The following RPS6KA2 variants were observed in gnomAD, a reference collection of about 807,000 sequenced individuals.
The protein encoded by RPS6KA2 is ribosomal protein S6 kinase alpha-2.
In RPS6KA2, 42 loss-of-function variants were observed where a neutral mutation model predicts 91.8. That is an observed-to-expected ratio of 0.46 (90% CI 0.36 to 0.59). The LOEUF is 0.59. Ranked by LOEUF, RPS6KA2 falls within the 20% of genes least tolerant of loss-of-function variation. The pLI is 0.00. For synonymous variants in RPS6KA2, 414 were observed against 393.6 expected (o/e 1.05, Z -0.61); for missense variants, 798 against 978.5 (o/e 0.82, Z 2.46).
intron 2 of RPS6KA2, among the ~76,000 whole-genome samples, chr6:166,812,103 C>T (rs1036458193): frequency 1.3e-5 from 2 of 152,110 alleles, no homozygotes; most frequent in Non-Finnish European, 2.9e-5. Context: ...GCCTGTAATC[C>T]CAGAACTTTG....
At chr6:166,706,759 G>A (rs933429204) in intron 2 of RPS6KA2, among the ~76,000 whole-genome samples, 2 of 152,148 alleles carry the variant, frequency 1.3e-5, no homozygotes, top group Admixed American at 6.5e-5. Context: ...AATATCACAC[G>A]CACAGCCTGT....
intron 3 of RPS6KA2, among the ~76,000 whole-genome samples, chr6:166,524,266 G>C (rs572803355): frequency 1.3e-5 from 2 of 152,276 alleles, no homozygotes. Context: ...TGACTTGCAG[G>C]GAAAATGCTT....
intron 20 of RPS6KA2, 116 bp from the exon 21 acceptor site, chr6:166,413,003 T>G: frequency 9.1e-6 from 10 of 1,100,578 alleles, no homozygotes; most frequent in East Asian, 8.4e-5. Flanking sequence ...AAACCAGAGC[T>G]TCCCCAGGGT....
In RPS6KA2 at chr6:166,495,097, G is replaced by A. The variant is rs1395170240; in HGVS notation, c.747+3411C>T. 6.6e-6 allele frequency among the ~76,000 whole-genome samples: 1 copy of A among 152,234 alleles called. No homozygotes were observed. The highest frequency in any genetic ancestry group is 6.5e-5 in the Admixed American group (1 of 15,292). On this transcript the variant is annotated intron_variant, in intron 8 of 20. Coordinates refer to ENST00000265678, the MANE Select transcript of RPS6KA2 (RefSeq NM_021135.6). This position sits in a 1 kb window ranked among gnomAD's most constrained non-coding sequence, Gnocchi z 4.4. The stretch of plus-strand genomic sequence containing the variant: ...ACCACGTGGGCGGGCGGCACTAAAT[G>A]AGAATGTGTTTCTGGGACTATTATG...
rs756026491 is a variant in RPS6KA2, at chr6:166,635,990, C to T, written c.124-97206G>A. On this transcript the variant is annotated intron_variant, in intron 2 of 21. Transcript: ENST00000503859. The surrounding 1 kb of genome is among the most constrained non-coding windows in gnomAD (Gnocchi z 4.8). ...ACATAAATCCAAATCCAATCATCCA[C>T]TTCTCTGCTTATAACTCTTCCAGGC... 5.3e-5 allele frequency among the ~76,000 whole-genome samples: 8 copies of T among 152,222 alleles called. No homozygotes were observed. Among genetic ancestry groups the T allele is most frequent in the Non-Finnish European group, 1.0e-4 (7 of 68,044 alleles).
intron 2 of RPS6KA2, among the ~76,000 whole-genome samples, chr6:166,758,122 G>A (rs1249573483): frequency 2.0e-5 from 3 of 152,072 alleles, no homozygotes; most frequent in Non-Finnish European, 2.9e-5. Flanking sequence ...AAGACACTTC[G>A]GTCCTTCTCT....
intron 2 of RPS6KA2, among the ~76,000 whole-genome samples, chr6:166,779,061 C>A (rs148126388): frequency 1.5e-3 from 222 of 152,304 alleles, no homozygotes; most frequent in African/African-American, 5.1e-3. Context: ...GTAACTCTGG[C>A]GCACACTGAT....
At chr6:166,857,540 T>G (rs1780937564) in intron 2 of RPS6KA2, among the ~76,000 whole-genome samples, 1 of 152,226 alleles carries the variant, frequency 6.6e-6, no homozygotes, top group Admixed American at 6.5e-5. Context: ...ACTCTCACTT[T>G]ATTAAAGTCT....
At chr6:166,464,973 G>A (rs1203188108) in intron 11 of RPS6KA2, among the ~76,000 whole-genome samples, 1 of 150,212 alleles carries the variant, frequency 6.7e-6, no homozygotes, top group African/African-American at 2.5e-5. Flanking sequence ...GCAGTGGGAT[G>A]ACAGGTGTTT....
At chr6:166,548,907 TG>T (rs1457659714) in intron 1 of RPS6KA2, among the ~76,000 whole-genome samples, 1 of 152,090 alleles carries the variant, frequency 6.6e-6, no homozygotes, top group Non-Finnish European at 1.5e-5. Flanking sequence ...AGCTATAGAG[TG>T]GGAGAAAATG....
At chr6:166,499,765 G>T (rs1012597791) in intron 7 of RPS6KA2, among the ~76,000 whole-genome samples, 9 of 152,174 alleles carry the variant, frequency 5.9e-5, no homozygotes, top group Non-Finnish European at 2.9e-5. Flanking sequence ...GTGAGAATAG[G>T]CTAACATGGG....
At chr6:166,764,163 AGTGAGAGG>A (rs1351994494) in intron 2 of RPS6KA2, among the ~76,000 whole-genome samples, 1 of 152,084 alleles carries the variant, frequency 6.6e-6, no homozygotes, top group East Asian at 1.9e-4. Context: ...GGAGGGCGTG[AGTGAGAGG>A]GTGAGAGAAA....
chr6:166,857,806 C>T (rs1168317332), intron 2 of RPS6KA2, among the ~76,000 whole-genome samples: 2 of 152,204 alleles, frequency 1.3e-5, no homozygotes, highest in African/African-American at 4.8e-5. Flanking sequence ...CCTCATCAGA[C>T]ATTTTAAGCA....
rs577814201 is a variant in RPS6KA2, at chr6:166,423,630, C to T, written c.1582-213G>A. The stretch of plus-strand genomic sequence containing the variant: ...CCTGTGGTGGTCACTCACTTCTGAG[C>T]TCCTGGTGTCACCTGCTTTTACAGT... On this transcript the variant is annotated intron_variant, in intron 16 of 20. Coordinates refer to ENST00000265678, the MANE Select transcript of RPS6KA2 (RefSeq NM_021135.6). This position sits in a 1 kb window ranked among gnomAD's most constrained non-coding sequence, Gnocchi z 4.8. Among the ~76,000 whole-genome samples, 16 of 152,310 alleles carry T rather than the reference C, an allele frequency of 1.1e-4. No individual in the cohort carries two copies. In the South Asian group the frequency reaches 3.1e-3, roughly 30 times the overall value.
chr6:166,507,874 C>T (rs1782301593), intron 5 of RPS6KA2, among the ~76,000 whole-genome samples: 1 of 150,416 alleles, frequency 6.6e-6, no homozygotes, highest in East Asian at 2.0e-4. Flanking sequence ...ACCCCAAACA[C>T]CACGCACACC....
chr6:166,778,865 G>A (rs770369914), intron 2 of RPS6KA2, among the ~76,000 whole-genome samples: 34 of 152,212 alleles, frequency 2.2e-4, no homozygotes, highest in Admixed American at 3.3e-4. Context: ...CACCGTAAGC[G>A]CCACGCTGCG....
chr6:166,707,801 C>T (rs947220737), intron 2 of RPS6KA2, among the ~76,000 whole-genome samples: 1 of 151,926 alleles, frequency 6.6e-6, no homozygotes, highest in Non-Finnish European at 1.5e-5. Context: ...TACAGTGGTG[C>T]GATCTTGGCT....
At chr6:166,528,615 C>A (rs1783147378) in intron 3 of RPS6KA2, among the ~76,000 whole-genome samples, 1 of 151,366 alleles carries the variant, frequency 6.6e-6, no homozygotes, top group African/African-American at 2.4e-5. Flanking sequence ...AAGAAACTAC[C>A]ATCAGAGTCA....
chr6:166,629,136 T>C (rs1350923644), upstream of RPS6KA2, among the ~76,000 whole-genome samples: 2 of 152,220 alleles, frequency 1.3e-5, no homozygotes, highest in African/African-American at 4.8e-5. Flanking sequence ...AAGAGGTAGA[T>C]GGACCTCCAA....
Sources: allele counts gnomAD v4.1 joint callset (sites outside exome capture counted in the v4.1 genomes callset), GRCh38; gene constraint gnomAD v4.1.1; non-coding constraint Gnocchi (gnomAD v3.1); transcripts MANE v1.5; gene names NCBI Gene and HGNC (gene_info 2026-07-23, HGNC 2026-07-21).